Variants in DCC observed in about 807,000 individuals in gnomAD.
DCC encodes the protein netrin receptor DCC.
DCC carries 58 observed loss-of-function variants against 172.5 expected under a neutral mutation model. The observed-to-expected ratio is 0.34, with a 90% CI of 0.27 to 0.42. The LOEUF (loss-of-function observed/expected upper bound fraction) is 0.42. Among genes scored for constraint, DCC ranks in the 10% least tolerant of loss-of-function variants. The pLI, the probability that DCC is intolerant of heterozygous loss-of-function variation, is 1.00. For synonymous variants in DCC, 709 were observed against 644.5 expected (o/e 1.10, Z -1.52); for missense variants, 1,740 against 1,791.0 (o/e 0.97, Z 0.51).
chr18:52,608,837 C>G (rs896159348), intron 1 of DCC, among the ~76,000 whole-genome samples: 1 of 152,150 alleles, frequency 6.6e-6, no homozygotes, highest in Non-Finnish European at 1.5e-5. Flanking sequence ...GATGTAAAAA[C>G]CAAACTTGGC....
chr18:52,357,744 G>A (rs1260973063), intron 1 of DCC, among the ~76,000 whole-genome samples: 1 of 151,932 alleles, frequency 6.6e-6, no homozygotes, highest in Non-Finnish European at 1.5e-5. Context: ...AGACCATCCT[G>A]GCTAACACGG....
intron 1 of DCC, among the ~76,000 whole-genome samples, chr18:52,709,888 A>G (rs1292984054): frequency 6.6e-6 from 1 of 152,244 alleles, no homozygotes; most frequent in Non-Finnish European, 1.5e-5. Flanking sequence ...AAGATTTTTA[A>G]TAGCAGTGAG....
intron 5 of DCC, among the ~76,000 whole-genome samples, chr18:53,033,338 G>C (rs1012208662): frequency 6.6e-6 from 1 of 152,088 alleles, no homozygotes; most frequent in Non-Finnish European, 1.5e-5. Flanking sequence ...AGACTTAACG[G>C]TGTTTGGTGA....
At chr18:53,433,836 A>G (rs1911780893) in intron 21 of DCC, among the ~76,000 whole-genome samples, 1 of 152,166 alleles carries the variant, frequency 6.6e-6, no homozygotes, top group African/African-American at 2.4e-5. Flanking sequence ...ACTCACAGTC[A>G]TTGTCCCAGC....
chr18:52,725,212 C>T (rs2145083933), intron 1 of DCC, among the ~76,000 whole-genome samples: 1 of 152,254 alleles, frequency 6.6e-6, no homozygotes, highest in East Asian at 1.9e-4. Context: ...GGGCTCCTGA[C>T]CATGAAATGC....
chr18:53,006,444 T>C (rs111841928), intron 5 of DCC, among the ~76,000 whole-genome samples: 2,975 of 152,242 alleles, frequency 0.02, 43 homozygotes, highest in Middle Eastern at 0.051. Flanking sequence ...TGAAAAATGA[T>C]GGCAAAAATA....
intron 25 of DCC, among the ~76,000 whole-genome samples, chr18:53,468,380 T>TTTTATTTATTTATTTATTTATTTTA (rs778617338): frequency 1.2e-4 from 16 of 135,166 alleles, no homozygotes; most frequent in Non-Finnish European, 1.5e-4. Context: ...TATTTATTTA[T>TTTTATTTATTTATTTATTTATTTTA]TTTATTTATT....
intron 7 of DCC, among the ~76,000 whole-genome samples, chr18:53,112,193 T>C (rs1433155301): frequency 2.6e-5 from 4 of 151,516 alleles, no homozygotes; most frequent in African/African-American, 4.8e-5. Flanking sequence ...TTTTAGGACA[T>C]AAAAACACCG....
At chr18:52,452,827 A>G (rs947242637) in intron 1 of DCC, among the ~76,000 whole-genome samples, 3 of 152,234 alleles carry the variant, frequency 2.0e-5, no homozygotes, top group African/African-American at 7.2e-5. Flanking sequence ...ATTCTTTTAT[A>G]CCTCAAGAGT....
chr18:52,543,568 G>T (rs1368405623), intron 1 of DCC, among the ~76,000 whole-genome samples: 2 of 152,196 alleles, frequency 1.3e-5, no homozygotes, highest in Non-Finnish European at 2.9e-5. Context: ...TAAAGGCACT[G>T]TGTGGTCAAG....
At chr18:52,371,877 G>A (rs903736717) in intron 1 of DCC, among the ~76,000 whole-genome samples, 8 of 152,332 alleles carry the variant, frequency 5.3e-5, no homozygotes, top group South Asian at 2.1e-4. Context: ...AGTCCTGGCT[G>A]TGGGTGTTAC....
At chr18:52,478,281 C>G (rs941735823) in intron 1 of DCC, among the ~76,000 whole-genome samples, 3 of 152,140 alleles carry the variant, frequency 2.0e-5, no homozygotes, top group African/African-American at 7.2e-5. Flanking sequence ...CTTTCTTCCT[C>G]TCATATCAAA....
intron 10 of DCC, among the ~76,000 whole-genome samples, chr18:53,207,432 G>C (rs1158485788): frequency 6.6e-6 from 1 of 152,184 alleles, no homozygotes; most frequent in Non-Finnish European, 1.5e-5. Context: ...TCAGTACATT[G>C]AGTAGTGTTA....
intron 1 of DCC, among the ~76,000 whole-genome samples, chr18:52,469,030 G>GATTTATTT (rs3086373): frequency 4.1e-5 from 6 of 145,670 alleles, no homozygotes; most frequent in African/African-American, 1.5e-4. Flanking sequence ...AAACAATTTT[G>GATTTATTT]ATTTATTTAT....
intron 24 of DCC, among the ~76,000 whole-genome samples, chr18:53,461,409 T>C (rs1475013366): frequency 6.6e-6 from 1 of 152,030 alleles, no homozygotes; most frequent in African/African-American, 2.4e-5. Context: ...GTTTTTATGG[T>C]TTTAGGTCTA....
chr18:53,009,743 A>G (rs984745868), intron 5 of DCC, among the ~76,000 whole-genome samples: 1 of 151,978 alleles, frequency 6.6e-6, no homozygotes, highest in African/African-American at 2.4e-5. Flanking sequence ...TGTAAATTTT[A>G]AAACAGCAAT....
chr18:52,838,044 A>G (rs2038740384), intron 2 of DCC, among the ~76,000 whole-genome samples: 1 of 152,140 alleles, frequency 6.6e-6, no homozygotes, highest in African/African-American at 2.4e-5. Context: ...GGGTGGGGAA[A>G]CCACCCCCAT....
rs371712970 is a variant in DCC, at chr18:53,113,891, C to A, written c.1262-43465C>A. Among the ~76,000 whole-genome samples the A allele has an allele frequency of 6.6e-5, 10 of 151,366 alleles. No homozygotes were observed. The South Asian group carries it at 1.0e-3, about 16-fold the overall frequency. On this transcript the variant is annotated intron_variant, in intron 7 of 28. Coordinates refer to ENST00000442544, the MANE Select transcript of DCC (RefSeq NM_005215.4). ...TTTTATTATGTAATCTTAACTAAGC[C>A]TTGCCAATGATGTTTTAATTATACC...
intron 9 of DCC, among the ~76,000 whole-genome samples, chr18:53,193,988 T>G (rs753718092): frequency 5.3e-5 from 8 of 152,168 alleles, no homozygotes; most frequent in African/African-American, 1.2e-4. Context: ...TATTGCTCTA[T>G]TAAAACTACA....
Sources: gnomAD v4.1 joint callset for allele counts (sites outside exome capture counted in the v4.1 genomes callset) on GRCh38, gnomAD v4.1.1 for gene constraint, MANE v1.5 for transcripts, NCBI Gene and HGNC (gene_info 2026-07-23, HGNC 2026-07-21) for gene names.